The following MXD3 variants were observed in gnomAD, a reference collection of about 807,000 sequenced individuals.
The protein encoded by MXD3 is MAX dimerization protein 3, also known as Max-associated protein 3.
MXD3 carries 20 observed loss-of-function variants against 27.5 expected under a neutral mutation model. The ratio of observed to expected loss-of-function variants is 0.73; its 90% CI spans 0.51 to 1.06. MXD3 has a LOEUF of 1.06. Ranked by LOEUF, MXD3 falls within the 50% of genes least tolerant of loss-of-function variation. MXD3 has a pLI of 0.00. For missense variants in MXD3, 298 were observed against 291.3 expected, an observed-to-expected ratio of 1.02 and a Z score of -0.17; for synonymous variants, 150 against 130.7, an observed-to-expected ratio of 1.15 and a Z score of -1.01.
chr5:177,311,857 C>T lies in MXD3; in HGVS notation c.-27G>A, dbSNP rs774420126. 6 of 1,604,874 alleles carry T rather than the reference C, an allele frequency of 3.7e-6. No homozygotes were observed. Among genetic ancestry groups the T allele is most frequent in the Non-Finnish European group, 5.1e-6 (6 of 1,175,900 alleles). On this transcript the variant is annotated 5_prime_UTR_variant, in exon 1 of 6. Transcript: ENST00000439742. ...TCGGCGACAGCTGGCGGCGGGCCGG[C>T]CTAGGGTGCCGGCCGGAGCAAGCGG...
chr5:177,305,972 C>T, downstream of MXD3: 1 of 1,613,942 alleles, frequency 6.2e-7, no homozygotes, highest in Non-Finnish European at 8.5e-7. Flanking sequence ...TTGGTGTCTC[C>T]AGAGCTGTCC....
chr5:177,308,569 C>T (rs1333405328), intron 4 of MXD3, among the ~76,000 whole-genome samples: 1 of 152,022 alleles, frequency 6.6e-6, no homozygotes, highest in African/African-American at 2.4e-5. Flanking sequence ...GACGGGGTTT[C>T]ACCATATTGG....
At chr5:177,308,047 A>G (rs1008820253) in intron 4 of MXD3, 83 bp from the exon 5 acceptor site, 2 of 1,316,640 alleles carry the variant, frequency 1.5e-6, no homozygotes, top group Non-Finnish European at 2.0e-6. Flanking sequence ...GTACCGGGCC[A>G]CGGCCACAGG....
At chr5:177,311,709 G>A in intron 1 of MXD3, 52 bp downstream of exon 1, 1 of 1,570,214 alleles carries the variant, frequency 6.4e-7, no homozygotes, top group South Asian at 1.1e-5. Context: ...TCCAGTCCAG[G>A]CCCGTGTCAG....
At chr5:177,312,237 G>T (rs1015562567), upstream of MXD3, 1 of 987,160 alleles carries the variant, frequency 1.0e-6, no homozygotes, top group East Asian at 1.1e-4. Flanking sequence ...GCGCTCTGGG[G>T]GCCTGGTGGT....
chr5:177,309,384 GAGA>G (rs1760979574), intron 4 of MXD3, among the ~76,000 whole-genome samples: 1 of 152,210 alleles, frequency 6.6e-6, no homozygotes, highest in Admixed American at 6.5e-5. Context: ...TGGAGCCCCA[GAGA>G]AGGAGCACTG....
At position 177,311,444 on chromosome 5, in the gene MXD3, A is replaced by C. The variant is rs1307498862; in HGVS notation, c.111T>G (p.Ser37Arg). The C allele has an allele frequency of 7.0e-7, 1 of 1,429,256 alleles. No homozygotes were observed. Among genetic ancestry groups the C allele is most frequent in the South Asian group, 1.5e-5 (1 of 66,618 alleles). The allele number at this position is 1,429,256 out of a possible 1,614,324, so 88.5% of individuals were successfully genotyped here. The change falls in exon 2 of 6, where the codon AGT becomes AGG. Residue 37 changes from serine (S) to arginine (R), a missense_variant. Coordinates refer to ENST00000439742, the MANE Select transcript of MXD3 (RefSeq NM_031300.4). ...TCTTCCTCCTGTGGATGGGGCCTGG[A>C]CTGCGATGCGGGCACAGGGACGCAT... ...HGYASLCPHR[S>R]PGPIHRRKKR... is the part of the protein sequence containing the mutation.
At chr5:177,306,640 T>G (rs768272201), downstream of MXD3, 6 of 1,539,968 alleles carry the variant, frequency 3.9e-6, no homozygotes, top group East Asian at 2.4e-5. Flanking sequence ...CATTGTACTT[T>G]ATCATTAAAA....
chr5:177,306,840 G>GGTAA, downstream of MXD3: 1 of 731,258 alleles, frequency 1.4e-6, no homozygotes, highest in Non-Finnish European at 2.2e-6. Flanking sequence ...GTTAACTGGC[G>GGTAA]GTAAGTGCTA....
chr5:177,311,130 G>A, intron 2 of MXD3: 1 of 524,326 alleles, frequency 1.9e-6, no homozygotes, highest in Non-Finnish European at 3.4e-6. Context: ...GCGGGAGTGC[G>A]AGTGGAAGCG....
chr5:177,312,272 G>A, upstream of MXD3: 1 of 986,690 alleles, frequency 1.0e-6, no homozygotes, highest in African/African-American at 1.7e-5. Flanking sequence ...GGGCCCAGCC[G>A]CTGCACGTGG....
chr5:177,308,562 G>A (rs771397450), intron 4 of MXD3, among the ~76,000 whole-genome samples: 2 of 151,926 alleles, frequency 1.3e-5, no homozygotes, highest in East Asian at 1.9e-4. Flanking sequence ...TAGTGGAGAC[G>A]GGGTTTCACC....
chr5:177,307,603 GC>G lies in MXD3; in HGVS notation c.605del (p.Gly202AlafsTer?). 1 of 1,612,680 alleles carries G rather than the reference GC, an allele frequency of 6.2e-7. No individual in the cohort carries two copies. The highest frequency in any genetic ancestry group is 8.5e-7 in the Non-Finnish European group (1 of 1,179,886). ...GTGAGGAACATCATAGCCAGGCGCCGCCGCCGTGCGAGTAGCTGTGCTCCTG... is the reference window on the plus strand; with the variant it reads ...GTGAGGAACATCATAGCCAGGCGCCGCGCCGTGCGAGTAGCTGTGCTCCTG... ...AGQEHSYSHGGGAWL is the reference protein window; with the variant it reads ...AGQEHSYSHGXGAWL On this transcript the variant is annotated frameshift_variant, in exon 6 of 6. Transcript: ENST00000439742. LOFTEE classifies it high-confidence loss of function.
At chr5:177,307,744 C>T (rs372070022) in intron 5 of MXD3, 37 bp downstream of exon 5, 96 of 1,613,110 alleles carry the variant, frequency 6.0e-5, no homozygotes, top group East Asian at 1.1e-4. Context: ...TGGCTCGCCC[C>T]GAGGGCCACA....
chr5:177,312,571 C>A, upstream of MXD3: 1 of 985,470 alleles, frequency 1.0e-6, no homozygotes, highest in Non-Finnish European at 1.2e-6. Flanking sequence ...GGGGTCTGTC[C>A]CCAAGCCTGC....
At position 177,307,401 on chromosome 5, in the gene MXD3, C is replaced by A; in HGVS notation, c.*187G>T. 1 of 1,491,076 alleles carries A rather than the reference C, an allele frequency of 6.7e-7. No homozygotes were observed. Among genetic ancestry groups the A allele is most frequent in the African/African-American group, 1.4e-5 (1 of 72,152 alleles). 92.4% of individuals were successfully genotyped at this position (1,491,076 alleles called of 1,614,324 possible). On this transcript the variant is annotated 3_prime_UTR_variant, in exon 6 of 6. Coordinates refer to ENST00000439742, the MANE Select transcript of MXD3 (RefSeq NM_031300.4). ...GAGGTCCTGATGAGTCCTGCCCCTT[C>A]CCTTCCAGAGGGCCTGCCTGGCAGC...
chr5:177,306,945 A>T (rs536221624), downstream of MXD3: 2,006 of 963,168 alleles, frequency 2.1e-3, 9 homozygotes, highest in Non-Finnish European at 2.6e-3. Context: ...TACTTGTTGA[A>T]TTCAGTTGGC....
At position 177,307,922 on chromosome 5, in the gene MXD3, T is replaced by G. The variant is rs756963354; in HGVS notation, c.364A>C (p.Arg122=). 1.3e-6 allele frequency: 2 copies of G among 1,592,254 alleles called. No individual in the cohort carries two copies. Among genetic ancestry groups the G allele is most frequent in the African/African-American group, 1.3e-5 (1 of 74,386 alleles). The change falls in exon 5 of 6, where the codon AGG becomes CGG. Residue 122 remains arginine (R), a synonymous_variant. Transcript: ENST00000439742. Reference sequence around the variant, plus strand: ...AGGCTCTGCTGCTTGCTGCGCAGCCTCTCCTTGAGCTGTCGGGCCCGCTGC... The same window carrying G: ...AGGCTCTGCTGCTTGCTGCGCAGCCGCTCCTTGAGCTGTCGGGCCCGCTGC... ...QEQRARQLKE[R]LRSKQQSLQR...
downstream of MXD3, chr5:177,306,188 G>A (rs1398092589): frequency 4.3e-6 from 7 of 1,609,454 alleles, no homozygotes; most frequent in African/African-American, 6.7e-5. Context: ...TGAGTTTCTG[G>A]GTATGTGGAT....
Sources: gnomAD v4.1 joint callset for allele counts (sites outside exome capture counted in the v4.1 genomes callset) on GRCh38, gnomAD v4.1.1 for gene constraint, MANE v1.5 for transcripts, NCBI Gene and HGNC (gene_info 2026-07-23, HGNC 2026-07-21) for gene names.